The following DOT1L variants were observed in gnomAD, a reference collection of about 807,000 sequenced individuals.
DOT1L encodes DOT1 like histone lysine methyltransferase.
Under a neutral mutation model 153.3 loss-of-function variants are expected in DOT1L, and 33 were observed. The observed-to-expected ratio is 0.22, with a 90% confidence interval of 0.16 to 0.29. The LOEUF is 0.29. DOT1L is among the 10% of genes least tolerant of loss of function. The pLI is 1.00. For missense variants in DOT1L, 1,847 were observed against 2,119.9 expected (o/e 0.87, Z 2.53); for synonymous variants, 1,135 against 965.1 (o/e 1.18, Z -3.26).
rs1226262506 is a variant in DOT1L, at chr19:2,208,460, C to T, written c.964-475C>T. Among the ~76,000 whole-genome samples, 1 of 152,114 alleles carries T rather than the reference C, an allele frequency of 6.6e-6. No homozygotes were observed. Among genetic ancestry groups the T allele is most frequent in the African/African-American group, 2.4e-5 (1 of 41,420 alleles). Reference sequence around the variant, plus strand: ...GATGCACCCCGCCCTCCCACTGCTCCCCCGAGGGCCCTGGGACGAGAGGCA... The same window carrying T: ...GATGCACCCCGCCCTCCCACTGCTCTCCCGAGGGCCCTGGGACGAGAGGCA... On this transcript the variant is annotated intron_variant, in intron 11 of 27. Transcript: ENST00000398665. This position sits in a 1 kb window ranked among gnomAD's most constrained non-coding sequence, Gnocchi z 4.4.
intron 25 of DOT1L, 128 bp downstream of exon 25, chr19:2,223,614 G>A (rs1161535356): frequency 3.6e-6 from 4 of 1,105,038 alleles, no homozygotes; most frequent in African/African-American, 3.2e-5. Context: ...TGGATGGGAG[G>A]AAGGCGTCTG....
At position 2,222,084 on chromosome 19, in the gene DOT1L, G is replaced by A; in HGVS notation, c.2915G>A (p.Gly972Glu). The change falls in exon 24 of 28, where the codon GGG (glycine) becomes GAG (glutamate). Residue 972 changes from glycine (G) to glutamate (E), a missense_variant. By Grantham distance (98) the Gly-to-Glu change is moderately conservative. Transcript: ENST00000398665. This position sits in a 1 kb window ranked among gnomAD's most constrained non-coding sequence, Gnocchi z 6.5. ...ACCTTGGATGAGTCCTCCAGCTCTG[G>A]GAGCCTTTTTGCCACCGTGGGGTCC... Reference protein sequence around the residue: ...PATLDESSSSGSLFATVGSRS... With the variant: ...PATLDESSSSESLFATVGSRS... 1.2e-6 allele frequency: 2 copies of A among 1,613,420 alleles called. No homozygotes were observed. The highest frequency in any genetic ancestry group is 2.2e-5 in the South Asian group (2 of 91,088).
chr19:2,223,180 A>T (rs2024194565), intron 24 of DOT1L, 101 bp from the exon 25 acceptor site: 8 of 1,304,576 alleles, frequency 6.1e-6, no homozygotes, highest in Admixed American at 1.9e-5. Context: ...TCCTCAGGAG[A>T]CCCTGGGGTG....
chr19:2,188,313 G>A (rs1264832476), intron 3 of DOT1L: 1 of 152,464 alleles, frequency 6.6e-6, no homozygotes, highest in Non-Finnish European at 1.5e-5. Flanking sequence ...GGCCAGGGCA[G>A]GGCAGGAAGA....
Position 2,229,842 on chromosome 19 carries a change from C to T in DOT1L, c.*50C>T, listed in dbSNP as rs374440113. 1.7e-5 allele frequency: 27 copies of T among 1,612,294 alleles called. No homozygotes were observed. The highest frequency in any genetic ancestry group is 1.1e-4 in the African/African-American group (8 of 75,054). ...TATGCAAGGACGGTGTGGACCAACT[C>T]GCGCCCGCGGCATGGTGCCCGCCGG... On this transcript the variant is annotated 3_prime_UTR_variant, in exon 28 of 28. Coordinates refer to ENST00000398665, the MANE Select transcript of DOT1L (RefSeq NM_032482.3).
At chr19:2,211,060 G>C (rs189525946) in intron 14 of DOT1L, 39 bp from the exon 15 acceptor site, 3 of 1,591,428 alleles carry the variant, frequency 1.9e-6, no homozygotes, top group East Asian at 4.5e-5. Context: ...CCGCTCTCCC[G>C]ACCCGCCCTG....
chr19:2,167,800 A>G (rs1240040027), intron 1 of DOT1L, among the ~76,000 whole-genome samples: 8 of 150,268 alleles, frequency 5.3e-5, no homozygotes, highest in Non-Finnish European at 1.0e-4. Context: ...CAGTGGCACA[A>G]TCTCCACTCA....
At chr19:2,212,248 C>T (rs957868136) in intron 16 of DOT1L, 9 of 155,894 alleles carry the variant, frequency 5.8e-5, no homozygotes, top group East Asian at 1.9e-4. Context: ...CTGCAAACTC[C>T]GCCTCCCGGG....
At chr19:2,175,038 G>A (rs1310232404) in intron 1 of DOT1L, among the ~76,000 whole-genome samples, 2 of 145,624 alleles carry the variant, frequency 1.4e-5, no homozygotes, top group African/African-American at 2.6e-5. Flanking sequence ...TTGCTCTGTT[G>A]CCCAGGCTGG....
rs966482431 is a variant in DOT1L at position 2,217,730 on chromosome 19, G to T, written c.2545-42G>T. 3.8e-6 allele frequency: 6 copies of T among 1,574,120 alleles called. No individual in the cohort carries two copies. The African/African-American group carries it at 8.1e-5, about 21-fold the overall frequency. On this transcript the variant is annotated intron_variant, in intron 21 of 27. Coordinates refer to ENST00000398665, the MANE Select transcript of DOT1L (RefSeq NM_032482.3). The surrounding 1 kb of genome is among the most constrained non-coding windows in gnomAD (Gnocchi z 7.3). Reference sequence around the variant, plus strand: ...GGCTGTGGTCCCTGTGTCCTGGAGGGGTTTGTTGACCCACGACTGGGGGTC... The same window carrying T: ...GGCTGTGGTCCCTGTGTCCTGGAGGTGTTTGTTGACCCACGACTGGGGGTC...
chr19:2,205,042 G>A (rs2023439451), intron 9 of DOT1L, among the ~76,000 whole-genome samples: 1 of 151,884 alleles, frequency 6.6e-6, no homozygotes, highest in Non-Finnish European at 1.5e-5. Context: ...GCAGTTTCTG[G>A]TCACTGCAAG....
At chr19:2,167,648 G>A (rs188954395) in intron 1 of DOT1L, among the ~76,000 whole-genome samples, 11 of 152,248 alleles carry the variant, frequency 7.2e-5, no homozygotes, top group Admixed American at 4.6e-4. Context: ...CAACCTCGCC[G>A]TGACATTTGT....
chr19:2,179,557 C>T (rs2022127481), intron 1 of DOT1L, among the ~76,000 whole-genome samples: 1 of 152,004 alleles, frequency 6.6e-6, no homozygotes, highest in South Asian at 2.1e-4. Flanking sequence ...CCTGTAATCC[C>T]AATACTTTGG....
In DOT1L at chr19:2,216,311, C is replaced by T. The variant is rs780465036; in HGVS notation, c.1954C>T (p.Arg652Trp). The T allele has an allele frequency of 6.3e-7, 1 of 1,590,170 alleles. No individual in the cohort carries two copies. The highest frequency in any genetic ancestry group is 8.6e-7 in the Non-Finnish European group (1 of 1,163,976). ...ISIVELEKSQ[R>W]QQELLQLKSC... ...CATTGTGGAGCTAGAGAAGAGCCAG[C>T]GGCAGCAGGAGCTCCTGCAGCTCAA... The change falls in exon 20 of 28, where the codon CGG becomes TGG. Residue 652 changes from arginine (R) to tryptophan (W), a missense_variant. Physicochemically the swap from Arg to Trp is moderately radical, Grantham distance 101. Coordinates refer to ENST00000398665, the MANE Select transcript of DOT1L (RefSeq NM_032482.3).
chr19:2,182,348 C>T (rs2022280388), intron 2 of DOT1L, among the ~76,000 whole-genome samples: 1 of 151,964 alleles, frequency 6.6e-6, no homozygotes, highest in African/African-American at 2.4e-5. Context: ...TGGAGATTGG[C>T]CGGGCAACAT....
At position 2,222,107 on chromosome 19, in the gene DOT1L, T is replaced by C. The variant is rs758668496; in HGVS notation, c.2938T>C (p.Ser980Pro). 1.2e-6 allele frequency: 2 copies of C among 1,612,946 alleles called. No individual in the cohort carries two copies. Among genetic ancestry groups the C allele is most frequent in the African/African-American group, 2.7e-5 (2 of 74,904 alleles). ...TGGGAGCCTTTTTGCCACCGTGGGG[T>C]CCCGCAGCTCCACGCCACAGCACCC... Reference protein sequence around the residue: ...SSGSLFATVGSRSSTPQHPLL... With the variant: ...SSGSLFATVGPRSSTPQHPLL... Residue 980 changes from serine to proline, a missense_variant, in exon 24 of 28, where the codon TCC becomes CCC. Coordinates refer to ENST00000398665, the MANE Select transcript of DOT1L (RefSeq NM_032482.3). This position sits in a 1 kb window ranked among gnomAD's most constrained non-coding sequence, Gnocchi z 6.5.
At chr19:2,189,365 C>A (rs2022690749) in intron 3 of DOT1L, among the ~76,000 whole-genome samples, 1 of 152,210 alleles carries the variant, frequency 6.6e-6, no homozygotes. Flanking sequence ...CCCTCTAAGG[C>A]CGGCCCCAGG....
rs1385371625 is a variant in DOT1L, at chr19:2,190,193, G to A, written c.264+398G>A. ...GCCTGCCTTCATCAGGCTGGATGCC[G>A]GCCTGGGCTGCACCCTTGGGCACCC... On this transcript the variant is annotated intron_variant, in intron 4 of 27. Coordinates refer to ENST00000398665, the MANE Select transcript of DOT1L (RefSeq NM_032482.3). The surrounding 1 kb of genome is among the most constrained non-coding windows in gnomAD (Gnocchi z 4.8). 1.3e-5 allele frequency among the ~76,000 whole-genome samples: 2 copies of A among 152,140 alleles called. No homozygotes were observed. The highest frequency in any genetic ancestry group is 2.9e-5 in the Non-Finnish European group (2 of 68,014).
intron 22 of DOT1L, among the ~76,000 whole-genome samples, chr19:2,219,890 G>A (rs1192111628): frequency 6.6e-6 from 1 of 152,162 alleles, no homozygotes; most frequent in Non-Finnish European, 1.5e-5. Context: ...CCTCAGGCCC[G>A]CTGCCCATTC....
Sources: gnomAD v4.1 joint callset for allele counts (sites outside exome capture counted in the v4.1 genomes callset) on GRCh38, gnomAD v4.1.1 for gene constraint, Gnocchi (gnomAD v3.1) non-coding constraint, MANE v1.5 for transcripts, NCBI Gene and HGNC (gene_info 2026-07-23, HGNC 2026-07-21) for gene names.